Variants in FBXO4 observed in about 807,000 individuals in gnomAD.
The protein encoded by FBXO4 is F-box only protein 4.
In FBXO4, 36 loss-of-function variants were observed where a neutral mutation model predicts 43.7. The observed-to-expected ratio is 0.82, with a 90% CI of 0.63 to 1.09. FBXO4 has a LOEUF of 1.09. Ranked by LOEUF, FBXO4 falls within the 50% of genes least tolerant of loss-of-function variation. The probability of loss-of-function intolerance (pLI) is 0.00; values close to 1 mark genes in which losing one functional copy is unlikely to be tolerated. For missense variants in FBXO4, 435 were observed against 474.1 expected (o/e 0.92, Z 0.77); for synonymous variants, 180 against 165.6 (o/e 1.09, Z -0.67).
chr5:42,025,420 T>A, the FBXO4 span, among the ~76,000 whole-genome samples: 1 of 152,016 alleles, frequency 6.6e-6, no homozygotes, highest in Non-Finnish European at 1.5e-5. Context: ...TTGTCTGAGC[T>A]CATTATATAT....
the FBXO4 span, among the ~76,000 whole-genome samples, chr5:41,990,962 G>C: frequency 2.0e-5 from 3 of 152,042 alleles, no homozygotes; most frequent in Non-Finnish European, 2.9e-5. Flanking sequence ...CATCTTCATT[G>C]TCATGAACTT....
At chr5:41,946,249 C>T (rs1752076412), downstream of FBXO4, among the ~76,000 whole-genome samples, 1 of 152,184 alleles carries the variant, frequency 6.6e-6, no homozygotes, top group Non-Finnish European at 1.5e-5. Flanking sequence ...CGTTGCATTG[C>T]AGGCTGCTGG....
At chr5:41,980,460 A>G in the FBXO4 span, among the ~76,000 whole-genome samples, 1 of 152,178 alleles carries the variant, frequency 6.6e-6, no homozygotes, top group Non-Finnish European at 1.5e-5. Flanking sequence ...ATAGCACACT[A>G]TCACCAATTT....
the FBXO4 span, among the ~76,000 whole-genome samples, chr5:41,962,946 A>T: frequency 6.6e-6 from 1 of 152,104 alleles, no homozygotes; most frequent in Non-Finnish European, 1.5e-5. Flanking sequence ...AAACTGTTAG[A>T]TTTCTTCACT....
chr5:42,036,180 C>G, the FBXO4 span, among the ~76,000 whole-genome samples: 2 of 151,618 alleles, frequency 1.3e-5, no homozygotes, highest in Admixed American at 1.3e-4. Context: ...TAAATGGTGG[C>G]TTTGGGATGG....
At chr5:42,006,211 A>G in the FBXO4 span, among the ~76,000 whole-genome samples, 1 of 152,152 alleles carries the variant, frequency 6.6e-6, no homozygotes, top group African/African-American at 2.4e-5. Flanking sequence ...TAGTCAAGAA[A>G]TACTGACATT....
At chr5:41,937,186 C>A (rs546202944) in intron 5 of FBXO4, among the ~76,000 whole-genome samples, 2 of 152,044 alleles carry the variant, frequency 1.3e-5, no homozygotes, top group Non-Finnish European at 2.9e-5. Context: ...TCAGAGAATG[C>A]CAAGCATAAA....
chr5:41,976,027 C>T, the FBXO4 span, among the ~76,000 whole-genome samples: 2 of 152,062 alleles, frequency 1.3e-5, no homozygotes, highest in African/African-American at 4.8e-5. Flanking sequence ...GGAGAGGTTC[C>T]ATGCTCTTTG....
At chr5:41,999,507 G>GTATA in the FBXO4 span, among the ~76,000 whole-genome samples, 3 of 108,796 alleles carry the variant, frequency 2.8e-5, no homozygotes, top group Admixed American at 1.1e-4. Flanking sequence ...ATATATATGT[G>GTATA]TATATATATA....
At chr5:41,948,287 C>G in the FBXO4 span, among the ~76,000 whole-genome samples, 2 of 152,072 alleles carry the variant, frequency 1.3e-5, no homozygotes, top group African/African-American at 4.8e-5. Flanking sequence ...AGGCGGCTGC[C>G]ACCACGCCCG....
chr5:41,979,265 T>A, the FBXO4 span, among the ~76,000 whole-genome samples: 1 of 152,224 alleles, frequency 6.6e-6, no homozygotes, highest in Non-Finnish European at 1.5e-5. Context: ...GTCAGGATTG[T>A]GTTCTTCAGT....
At chr5:41,998,265 A>G in the FBXO4 span, among the ~76,000 whole-genome samples, 1 of 152,226 alleles carries the variant, frequency 6.6e-6, no homozygotes, top group Non-Finnish European at 1.5e-5. Flanking sequence ...GGTTCCCACC[A>G]TTAGATCTGA....
the FBXO4 span, among the ~76,000 whole-genome samples, chr5:41,983,792 T>C: frequency 6.6e-6 from 1 of 152,066 alleles, no homozygotes; most frequent in South Asian, 2.1e-4. Flanking sequence ...AAATATGTCA[T>C]ATGTTTCTCC....
At chr5:42,026,045 T>A in the FBXO4 span, among the ~76,000 whole-genome samples, 1 of 151,944 alleles carries the variant, frequency 6.6e-6, no homozygotes, top group African/African-American at 2.4e-5. Context: ...TCCATATAAA[T>A]CTTAGTATTG....
At chr5:42,018,792 C>T in the FBXO4 span, among the ~76,000 whole-genome samples, 5 of 152,002 alleles carry the variant, frequency 3.3e-5, no homozygotes, top group African/African-American at 1.2e-4. Context: ...TACTGTTGAT[C>T]GGTGGCACAA....
the FBXO4 span, among the ~76,000 whole-genome samples, chr5:42,002,300 C>T: frequency 1.3e-5 from 2 of 152,142 alleles, no homozygotes; most frequent in African/African-American, 2.4e-5. Context: ...TATAGTAGTG[C>T]AAGGCTTAAA....
the FBXO4 span, among the ~76,000 whole-genome samples, chr5:41,956,569 G>C: frequency 6.6e-6 from 1 of 151,674 alleles, no homozygotes; most frequent in African/African-American, 2.4e-5. Flanking sequence ...GATTTTTTTT[G>C]GTTGGATATA....
the FBXO4 span, among the ~76,000 whole-genome samples, chr5:41,977,032 G>T: frequency 6.6e-6 from 1 of 152,146 alleles, no homozygotes; most frequent in South Asian, 2.1e-4. Flanking sequence ...GCTGTACCTG[G>T]GTCCTGTTGA....
the FBXO4 span, among the ~76,000 whole-genome samples, chr5:41,978,457 A>G: frequency 1.3e-5 from 2 of 152,212 alleles, no homozygotes; most frequent in Non-Finnish European, 1.5e-5. Flanking sequence ...AGAAGAAAAC[A>G]GAAAAGAATT....
Sources: gnomAD v4.1 joint callset for allele counts (sites outside exome capture counted in the v4.1 genomes callset) on GRCh38, gnomAD v4.1.1 for gene constraint, MANE v1.5 for transcripts, NCBI Gene and HGNC (gene_info 2026-07-23, HGNC 2026-07-21) for gene names.